The following PTPRN2 variants were observed in gnomAD, a reference collection of about 807,000 sequenced individuals.
PTPRN2 encodes receptor-type tyrosine-protein phosphatase N2.
A neutral mutation model predicts 118.8 loss-of-function variants in PTPRN2; 74 were observed. That is an observed-to-expected ratio of 0.62 (90% CI 0.52 to 0.76). The LOEUF is 0.76. PTPRN2 is among the 30% of genes least tolerant of loss of function. PTPRN2 has a pLI of 0.00. For missense variants in PTPRN2, 1,481 were observed against 1,394.4 expected (o/e 1.06, Z -0.99); for synonymous variants, 641 against 608.0 (o/e 1.05, Z -0.80).
intron 12 of PTPRN2, among the ~76,000 whole-genome samples, chr7:157,889,603 G>T (rs922849794): frequency 6.6e-6 from 1 of 152,176 alleles, no homozygotes; most frequent in African/African-American, 2.4e-5. Context: ...GTGAACATGG[G>T]ATGCATTTTG....
intron 14 of PTPRN2, among the ~76,000 whole-genome samples, chr7:157,645,331 T>C (rs538021465): frequency 8.3e-4 from 127 of 152,292 alleles, no homozygotes; most frequent in Middle Eastern, 3.4e-3. Context: ...CCTTCCCACC[T>C]ACCAGCGGCA....
In PTPRN2 at chr7:158,370,463, G is replaced by T. The variant is rs189490161; in HGVS notation, c.164-53531C>A. 7.5e-4 allele frequency among the ~76,000 whole-genome samples: 112 copies of T among 149,230 alleles called. No individual in the cohort carries two copies. In the South Asian group the frequency reaches 0.01, roughly 13 times the overall value. The stretch of plus-strand genomic sequence containing the variant: ...AAATAAAAAGAAAAAATAAATAAAG[G>T]CTGGGAGGGCTGGGCGCAGTGGCTC... On this transcript the variant is annotated intron_variant, in intron 2 of 22. Transcript: ENST00000389418.
intron 11 of PTPRN2, among the ~76,000 whole-genome samples, chr7:158,042,595 C>T (rs533194367): frequency 3.5e-4 from 53 of 152,230 alleles, no homozygotes; most frequent in Non-Finnish European, 6.9e-4. Flanking sequence ...GCTGAGTTCA[C>T]GTTTTTGCTG....
rs1554549020 is a variant in PTPRN2 at position 158,129,494 on chromosome 7, A to ACACGC, written c.1556+4182_1556+4183insGCGTG. On this transcript the variant is annotated intron_variant, in intron 9 of 22. Coordinates refer to ENST00000389418, the MANE Select transcript of PTPRN2 (RefSeq NM_002847.5). ...GTGCACCACAACACACAGCACACAC[A>ACACGC]CACACCATGCAACATACTACACACC... is the stretch of plus-strand genomic sequence containing the variant. Among the ~76,000 whole-genome samples the ACACGC allele has an allele frequency of 1.8e-4, 27 of 146,592 alleles. 1 individual carries two copies. Among genetic ancestry groups the ACACGC allele is most frequent in the Non-Finnish European group, 3.7e-4 (25 of 67,528 alleles).
chr7:158,304,504 A>G (rs1801134098), intron 3 of PTPRN2, among the ~76,000 whole-genome samples: 6 of 151,694 alleles, frequency 4.0e-5, no homozygotes, highest in Admixed American at 3.9e-4. Context: ...CTAGGGAGGC[A>G]TAAGACACCC....
chr7:158,418,273 G>A (rs549754759), intron 2 of PTPRN2, among the ~76,000 whole-genome samples: 141 of 145,942 alleles, frequency 9.7e-4, no homozygotes, highest in African/African-American at 3.5e-3. Context: ...GTACTACATC[G>A]AGATGCTGTA....
rs1029709027 is a variant in PTPRN2, at chr7:157,974,813, G to A, written c.1724-76076C>T. Among the ~76,000 whole-genome samples, 6 of 152,204 alleles carry A rather than the reference G, an allele frequency of 3.9e-5. No homozygotes were observed. The highest frequency in any genetic ancestry group is 1.3e-4 in the Admixed American group (2 of 15,304). On this transcript the variant is annotated intron_variant, in intron 11 of 22. Coordinates refer to ENST00000389418, the MANE Select transcript of PTPRN2 (RefSeq NM_002847.5). This position sits in a 1 kb window ranked among gnomAD's most constrained non-coding sequence, Gnocchi z 4.0. ...AAGTGTAGACACAGGGCAGAAGTGGGCGCAGTGTCTGTGGGTGAAGAGCTG... is the reference window on the plus strand; with the variant it reads ...AAGTGTAGACACAGGGCAGAAGTGGACGCAGTGTCTGTGGGTGAAGAGCTG...
Position 157,784,546 on chromosome 7 carries a change from C to G in PTPRN2, c.1789-101609G>C, listed in dbSNP as rs1402666601. On this transcript the variant is annotated intron_variant, in intron 12 of 22. Transcript: ENST00000389418. This position sits in a 1 kb window ranked among gnomAD's most constrained non-coding sequence, Gnocchi z 4.6. ...GCGCTGGAGAGAAAGCCCTATCCCG[C>G]TCGGCCTGACCCTCCTCTCCACAAA... Among the ~76,000 whole-genome samples the G allele has an allele frequency of 1.3e-5, 2 of 152,330 alleles. No homozygotes were observed. The highest frequency in any genetic ancestry group is 3.9e-4 in the East Asian group (2 of 5,172).
intron 5 of PTPRN2, 58 bp downstream of exon 5, chr7:158,192,269 G>A (rs1825824108): frequency 1.4e-6 from 2 of 1,402,870 alleles, no homozygotes; most frequent in African/African-American, 1.5e-5. Context: ...ACATGCCCAG[G>A]TACCTGCACC....
At chr7:158,504,798 T>A (rs1374458674) in intron 1 of PTPRN2, among the ~76,000 whole-genome samples, 3 of 152,266 alleles carry the variant, frequency 2.0e-5, no homozygotes, top group African/African-American at 7.2e-5. Context: ...GAAGAAACTT[T>A]ACATTGTTTC....
At chr7:157,911,838 G>A (rs569575867) in intron 11 of PTPRN2, among the ~76,000 whole-genome samples, 5 of 133,050 alleles carry the variant, frequency 3.8e-5, no homozygotes, top group Admixed American at 3.0e-4. Flanking sequence ...TAACATACAC[G>A]TTCTGTGATG....
rs552726160 is a variant in PTPRN2, at chr7:158,227,057, G to A, written c.278-21784C>T. On this transcript the variant is annotated intron_variant, in intron 3 of 22. Coordinates refer to ENST00000389418, the MANE Select transcript of PTPRN2 (RefSeq NM_002847.5). ...CTCCAGGAGAGGACCCTGGGTCACA[G>A]GACGAATGGAGGCCTCAGAGCTACT... Among the ~76,000 whole-genome samples the A allele has an allele frequency of 1.2e-3, 180 of 152,232 alleles. 1 individual carries two copies. The highest frequency in any genetic ancestry group is 4.3e-3 in the African/African-American group (179 of 41,534).
chr7:157,738,578 C>T (rs564949317), intron 12 of PTPRN2, among the ~76,000 whole-genome samples: 9 of 152,324 alleles, frequency 5.9e-5, no homozygotes, highest in South Asian at 4.1e-4. Flanking sequence ...ACTGAGCTGA[C>T]GCTTAGGACA....
intron 12 of PTPRN2, among the ~76,000 whole-genome samples, chr7:157,717,015 A>C: frequency 8.1e-6 from 1 of 123,350 alleles, no homozygotes; most frequent in Non-Finnish European, 1.7e-5. Flanking sequence ...CTGCGGGAAC[A>C]CTGCCTGGCC....
chr7:158,372,271 ATCCCCCCAACGCTGG>A (rs1410377468), intron 2 of PTPRN2, among the ~76,000 whole-genome samples: 1 of 32,522 alleles, frequency 3.1e-5, no homozygotes, highest in Non-Finnish European at 6.6e-5. Context: ...CCCAGAGCTG[ATCCCCCCAACGCTGG>A]TCCCCGGAGC....
At chr7:157,935,694 T>C (rs867954382) in intron 11 of PTPRN2, among the ~76,000 whole-genome samples, 3 of 152,370 alleles carry the variant, frequency 2.0e-5, no homozygotes, top group Non-Finnish European at 2.9e-5. Context: ...AAGATGAACA[T>C]TGGCGGGTAC....
At chr7:158,319,656 C>T (rs1414171038) in intron 2 of PTPRN2, among the ~76,000 whole-genome samples, 1 of 25,006 alleles carries the variant, frequency 4.0e-5, no homozygotes. Context: ...CCCTCACACA[C>T]ACACACAGCC....
chr7:157,876,309 G>T (rs976579820), intron 12 of PTPRN2, among the ~76,000 whole-genome samples: 4 of 152,140 alleles, frequency 2.6e-5, no homozygotes, highest in Non-Finnish European at 2.9e-5. Flanking sequence ...AGCATCCTGG[G>T]GGCCACTCTT....
At chr7:158,493,726 C>T (rs1256216892) in intron 1 of PTPRN2, among the ~76,000 whole-genome samples, 1 of 73,882 alleles carries the variant, frequency 1.4e-5, no homozygotes, top group Non-Finnish European at 2.8e-5. Context: ...CCTGCAGACA[C>T]GTACACGTAT....
Sources: allele counts gnomAD v4.1 joint callset (sites outside exome capture counted in the v4.1 genomes callset), GRCh38; gene constraint gnomAD v4.1.1; non-coding constraint Gnocchi (gnomAD v3.1); transcripts MANE v1.5; gene names NCBI Gene and HGNC (gene_info 2026-07-23, HGNC 2026-07-21).